The following ANKRD26 variants were observed in gnomAD, a reference collection of about 807,000 sequenced individuals.
The protein encoded by ANKRD26 is ankyrin repeat domain-containing protein 26.
ANKRD26 carries 141 observed loss-of-function variants against 208.7 expected under a neutral mutation model. The ratio of observed to expected loss-of-function variants is 0.68; its 90% confidence interval spans 0.59 to 0.78. The LOEUF is 0.78. Among genes scored for constraint, ANKRD26 ranks in the 30% least tolerant of loss-of-function variants. The pLI, the probability that ANKRD26 is intolerant of heterozygous loss-of-function variation, is 0.00. For synonymous variants in ANKRD26, 636 were observed against 660.4 expected, an observed-to-expected ratio of 0.96 and a Z score of 0.57; for missense variants, 1,889 against 1,938.7, an observed-to-expected ratio of 0.97 and a Z score of 0.48.
chr10:27,078,797 G>A (rs986836408), intron 7 of ANKRD26, among the ~76,000 whole-genome samples: 1 of 150,898 alleles, frequency 6.6e-6, no homozygotes, highest in Non-Finnish European at 1.5e-5. Context: ...CTCTATTGTA[G>A]GAAAACTTTT....
chr10:27,082,393 A>G (rs2055953469), intron 6 of ANKRD26, among the ~76,000 whole-genome samples: 1 of 152,254 alleles, frequency 6.6e-6, no homozygotes, highest in East Asian at 1.9e-4. Flanking sequence ...ATTATCAAGC[A>G]TATTAGGACA....
In ANKRD26 at chr10:27,013,120, T is replaced by C. The variant is rs369868995; in HGVS notation, c.4725-10A>G. The C allele has an allele frequency of 3.5e-5, 57 of 1,610,580 alleles. No homozygotes were observed. The highest frequency in any genetic ancestry group is 1.6e-4 in the Middle Eastern group (1 of 6,080). On this transcript the variant is annotated splice_polypyrimidine_tract_variant and intron_variant, in intron 31 of 33. Transcript: ENST00000376087. Reference sequence around the variant, plus strand: ...TAGCCTCTCATTAGTTCTGTGAAGATTGCAGAAGACACATGCTTAGTATTT... The same window carrying C: ...TAGCCTCTCATTAGTTCTGTGAAGACTGCAGAAGACACATGCTTAGTATTT...
At chr10:26,961,798 C>A in the ANKRD26 span, among the ~76,000 whole-genome samples, 12 of 152,302 alleles carry the variant, frequency 7.9e-5, no homozygotes, top group African/African-American at 2.9e-4. Flanking sequence ...TAGGTGGAAA[C>A]AACTCCATAA....
At chr10:26,963,902 GGTTT>G in the ANKRD26 span, among the ~76,000 whole-genome samples, 11 of 66,974 alleles carry the variant, frequency 1.6e-4, no homozygotes, top group Admixed American at 2.8e-4. Flanking sequence ...ATGGTTGGTT[GGTTT>G]TTTTTTTTTT....
At chr10:26,974,226 C>A (rs930098733) in exon 6 of ANKRD26, among the ~76,000 whole-genome samples, 1 of 152,040 alleles carries the variant, frequency 6.6e-6, no homozygotes, top group African/African-American at 2.4e-5. Flanking sequence ...CCTTTTTTAA[C>A]GCCACAAATT....
intron 18 of ANKRD26, 112 bp downstream of exon 18, chr10:27,046,241 G>T: frequency 9.1e-7 from 1 of 1,094,134 alleles, no homozygotes; most frequent in Non-Finnish European, 1.3e-6. Flanking sequence ...TCTTTCAGCA[G>T]CATGGAAACA....
At chr10:27,099,944 G>A (rs1169098882) in intron 1 of ANKRD26, 141 bp downstream of exon 1, 2 of 1,341,390 alleles carry the variant, frequency 1.5e-6, no homozygotes, top group Admixed American at 3.8e-5. Flanking sequence ...GGGCGCTGGA[G>A]CCCTGCAAGG....
chr10:26,979,374 A>G (rs2052274525), intron 5 of ANKRD26, among the ~76,000 whole-genome samples: 1 of 152,186 alleles, frequency 6.6e-6, no homozygotes. Flanking sequence ...AAACTGAACA[A>G]AGAGAAGGCT....
At chr10:27,023,190 G>A (rs7901840) in intron 28 of ANKRD26, among the ~76,000 whole-genome samples, 74,585 of 151,808 alleles carry the variant, frequency 0.49, 20,365 homozygotes, top group Non-Finnish European at 0.62. Context: ...TTAGCCAGGC[G>A]TGGTGGTGCA....
chr10:26,974,433 C>CG (rs1397965082), exon 6 of ANKRD26, among the ~76,000 whole-genome samples: 1 of 151,544 alleles, frequency 6.6e-6, no homozygotes, highest in African/African-American at 2.4e-5. Context: ...CTCTGCCTCC[C>CG]GGGTTCACAC....
Position 27,033,385 on chromosome 10 carries a change from G to C in ANKRD26, c.3655-8C>G, listed in dbSNP as rs2053942181. On this transcript the variant is annotated splice_polypyrimidine_tract_variant and splice_region_variant and intron_variant, in intron 24 of 33. Transcript: ENST00000376087. The stretch of plus-strand genomic sequence containing the variant: ...AAGTTGTCTCACAACAACCTGATAA[G>C]ACATTTTGTTACTGATTTTATAAAT... 6.2e-7 allele frequency: 1 copy of C among 1,606,724 alleles called. No individual in the cohort carries two copies. Among genetic ancestry groups the C allele is most frequent in the Admixed American group, 1.7e-5 (1 of 59,918 alleles).
chr10:27,033,944 C>T (rs541713996), intron 24 of ANKRD26, among the ~76,000 whole-genome samples: 154 of 152,274 alleles, frequency 1.0e-3, no homozygotes, highest in African/African-American at 3.6e-3. Flanking sequence ...TGCATCCTGC[C>T]ACCCCTCATT....
At chr10:26,954,362 T>C in the ANKRD26 span, among the ~76,000 whole-genome samples, 1 of 152,226 alleles carries the variant, frequency 6.6e-6, no homozygotes, top group Non-Finnish European at 1.5e-5. Flanking sequence ...GAAATTCTTT[T>C]ATAGCTTTGG....
intron 12 of ANKRD26, among the ~76,000 whole-genome samples, chr10:27,063,046 C>A (rs1392802311): frequency 6.6e-6 from 1 of 152,152 alleles, no homozygotes; most frequent in Non-Finnish European, 1.5e-5. Flanking sequence ...GCGTGAGCCA[C>A]CGTGCCCAGC....
the ANKRD26 span, among the ~76,000 whole-genome samples, chr10:26,959,518 A>G: frequency 1.3e-5 from 2 of 152,226 alleles, no homozygotes; most frequent in Admixed American, 6.5e-5. Context: ...GATAAGTAGA[A>G]CATCAGCTGG....
At chr10:26,964,356 A>G in the ANKRD26 span, among the ~76,000 whole-genome samples, 2 of 152,318 alleles carry the variant, frequency 1.3e-5, no homozygotes, top group African/African-American at 4.8e-5. Flanking sequence ...AGGTTTCAGC[A>G]GGACAACACC....
downstream of ANKRD26, among the ~76,000 whole-genome samples, chr10:26,972,315 T>C (rs892680334): frequency 4.0e-5 from 6 of 151,856 alleles, no homozygotes; most frequent in Non-Finnish European, 7.4e-5. Flanking sequence ...AATCAAAACT[T>C]TTCCTAATTA....
At chr10:26,976,086 T>C (rs1457225419) in intron 5 of ANKRD26, among the ~76,000 whole-genome samples, 1 of 152,098 alleles carries the variant, frequency 6.6e-6, no homozygotes, top group Non-Finnish European at 1.5e-5. Flanking sequence ...GAAAATAAAA[T>C]CTCTTTCTTC....
intron 4 of ANKRD26, among the ~76,000 whole-genome samples, chr10:27,089,277 C>T (rs779590276): frequency 3.3e-4 from 51 of 152,304 alleles, no homozygotes; most frequent in Admixed American, 8.5e-4. Flanking sequence ...GGAACCCCTT[C>T]GGTTCCTGAA....
Sources: gnomAD v4.1 joint callset for allele counts (sites outside exome capture counted in the v4.1 genomes callset) on GRCh38, gnomAD v4.1.1 for gene constraint, MANE v1.5 for transcripts, NCBI Gene and HGNC (gene_info 2026-07-23, HGNC 2026-07-21) for gene names.